Variants in XKR9 observed in about 807,000 individuals in gnomAD.
XKR9 encodes the protein XK-related protein 9.
A neutral mutation model predicts 32.0 loss-of-function variants in XKR9; 32 were observed. The ratio of observed to expected loss-of-function variants is 1.00; its 90% CI spans 0.76 to 1.34. The LOEUF (loss-of-function observed/expected upper bound fraction) is 1.34. Among genes scored for constraint, XKR9 ranks in the 40% most tolerant of loss-of-function variants. The pLI, the probability that XKR9 is intolerant of heterozygous loss-of-function variation, is 0.00. For missense variants in XKR9, 546 were observed against 429.7 expected, an observed-to-expected ratio of 1.27 and a Z score of -2.39; for synonymous variants, 168 against 143.4, an observed-to-expected ratio of 1.17 and a Z score of -1.22.
chr8:70,793,012 A>G (rs916588341), downstream of XKR9, among the ~76,000 whole-genome samples: 15 of 152,244 alleles, frequency 9.9e-5, no homozygotes, highest in Admixed American at 2.6e-4. Context: ...GACTAAGACA[A>G]TTACAAAGGC....
At chr8:70,690,611 A>C (rs979752224) in intron 3 of XKR9, among the ~76,000 whole-genome samples, 2 of 151,706 alleles carry the variant, frequency 1.3e-5, no homozygotes, top group African/African-American at 4.8e-5. Flanking sequence ...GGCCTCCCAA[A>C]GTGTTGGGAT....
chr8:70,981,281 T>C, the XKR9 span, among the ~76,000 whole-genome samples: 1 of 152,208 alleles, frequency 6.6e-6, no homozygotes, highest in Non-Finnish European at 1.5e-5. Flanking sequence ...CCAGTTATTC[T>C]TAGGTTTGGA....
chr8:70,772,228 G>A (rs1378061512), intron 2 of XKR9, among the ~76,000 whole-genome samples: 1 of 152,172 alleles, frequency 6.6e-6, no homozygotes, highest in East Asian at 1.9e-4. Context: ...AGTCTAGCAT[G>A]ATAACTGGAA....
the XKR9 span, among the ~76,000 whole-genome samples, chr8:70,987,621 G>A: frequency 6.6e-6 from 1 of 152,214 alleles, no homozygotes; most frequent in African/African-American, 2.4e-5. Flanking sequence ...TCACAGGCTG[G>A]TGTTGAGTGT....
At chr8:71,041,019 A>C in the XKR9 span, among the ~76,000 whole-genome samples, 1 of 152,160 alleles carries the variant, frequency 6.6e-6, no homozygotes, top group East Asian at 1.9e-4. Flanking sequence ...TTGATATATG[A>C]AATTTGACTC....
At chr8:71,014,887 GT>G in the XKR9 span, among the ~76,000 whole-genome samples, 576 of 152,286 alleles carry the variant, frequency 3.8e-3, 5 homozygotes, top group African/African-American at 0.013. Flanking sequence ...AAAACCCTGT[GT>G]TTGAGTCCTG....
chr8:70,873,613 C>T, the XKR9 span, among the ~76,000 whole-genome samples: 1 of 152,202 alleles, frequency 6.6e-6, no homozygotes, highest in Non-Finnish European at 1.5e-5. Context: ...GACTGAATTG[C>T]TGCAATCTCA....
At chr8:70,678,880 C>A (rs531524390) in intron 2 of XKR9, among the ~76,000 whole-genome samples, 19 of 152,308 alleles carry the variant, frequency 1.2e-4, no homozygotes, top group African/African-American at 4.3e-4. Context: ...AGTAAACATT[C>A]ACCTTGGTGT....
At chr8:70,747,451 G>C (rs557651487) in intron 2 of XKR9, among the ~76,000 whole-genome samples, 2 of 152,244 alleles carry the variant, frequency 1.3e-5, no homozygotes, top group Admixed American at 1.3e-4. Context: ...AGTGGTACTG[G>C]TGGCTTTTTA....
intron 3 of XKR9, among the ~76,000 whole-genome samples, chr8:70,692,771 G>A (rs761666219): frequency 6.6e-6 from 1 of 151,936 alleles, no homozygotes; most frequent in Non-Finnish European, 1.5e-5. Flanking sequence ...GTAGAGACGG[G>A]GTTTCACCAT....
At chr8:70,851,244 C>A in the XKR9 span, among the ~76,000 whole-genome samples, 2 of 152,000 alleles carry the variant, frequency 1.3e-5, no homozygotes, top group Non-Finnish European at 2.9e-5. Flanking sequence ...AGGACCTATT[C>A]AAGGAGAATT....
chr8:70,918,935 G>A, the XKR9 span, among the ~76,000 whole-genome samples: 21 of 151,450 alleles, frequency 1.4e-4, no homozygotes, highest in Admixed American at 1.1e-3. Context: ...CCGCCACCAC[G>A]CCCGGCTAAT....
chr8:70,723,822 C>G (rs1408512119), intron 4 of XKR9, among the ~76,000 whole-genome samples: 1 of 151,914 alleles, frequency 6.6e-6, no homozygotes, highest in African/African-American at 2.4e-5. Flanking sequence ...GCAGTCTGTC[C>G]CTTATCAGAG....
intron 2 of XKR9, among the ~76,000 whole-genome samples, chr8:70,787,132 A>G (rs1385159979): frequency 6.6e-6 from 1 of 152,150 alleles, no homozygotes; most frequent in African/African-American, 2.4e-5. Flanking sequence ...ATTATTGCAC[A>G]GATATGATTA....
chr8:70,763,502 G>A (rs1807334672), intron 2 of XKR9, among the ~76,000 whole-genome samples: 1 of 152,098 alleles, frequency 6.6e-6, no homozygotes, highest in African/African-American at 2.4e-5. Flanking sequence ...TTCATGGTTG[G>A]CTGCTTTGGC....
At chr8:70,708,017 C>A (rs1805779915) in intron 4 of XKR9, among the ~76,000 whole-genome samples, 1 of 152,026 alleles carries the variant, frequency 6.6e-6, no homozygotes, top group African/African-American at 2.4e-5. Flanking sequence ...CTGTCCTAGA[C>A]TCACATGTTA....
intron 4 of XKR9, among the ~76,000 whole-genome samples, chr8:70,708,527 A>G (rs1805802322): frequency 6.6e-6 from 1 of 152,102 alleles, no homozygotes. Flanking sequence ...AGTGTTTACA[A>G]AGAACTTTTA....
At chr8:71,054,827 C>T in the XKR9 span, among the ~76,000 whole-genome samples, 2 of 152,048 alleles carry the variant, frequency 1.3e-5, no homozygotes, top group Admixed American at 6.6e-5. Flanking sequence ...AGCAACTCTG[C>T]GCAGGTGTTG....
the XKR9 span, among the ~76,000 whole-genome samples, chr8:70,938,855 G>A: frequency 1.3e-5 from 2 of 151,940 alleles, no homozygotes. Flanking sequence ...CATGTAGGGG[G>A]CTAGGGGTAT....
Sources: allele counts gnomAD v4.1 joint callset (sites outside exome capture counted in the v4.1 genomes callset), GRCh38; gene constraint gnomAD v4.1.1; transcripts MANE v1.5; gene names NCBI Gene and HGNC (gene_info 2026-07-23, HGNC 2026-07-21).